The following RNF182 variants were observed in gnomAD, a reference collection of about 807,000 sequenced individuals.
RNF182 encodes the protein ring finger protein 182, also known as E3 ubiquitin-protein ligase RNF182.
RNF182 carries 15 observed loss-of-function variants against 14.4 expected under a neutral mutation model. The ratio of observed to expected loss-of-function variants is 1.04; its 90% CI spans 0.70 to 1.60. The LOEUF (loss-of-function observed/expected upper bound fraction) is 1.60. Among genes scored for constraint, RNF182 ranks in the 40% most tolerant of loss-of-function variants. RNF182 has a pLI of 0.00. For synonymous variants in RNF182, 128 were observed against 122.9 expected (o/e 1.04, Z -0.27); for missense variants, 268 against 294.8 (o/e 0.91, Z 0.67).
chr6:13,976,755 C>T (rs280161), intron 2 of RNF182, among the ~76,000 whole-genome samples, 154 bp from the exon 3 acceptor site: 117,443 of 152,224 alleles, frequency 0.77, 47,341 homozygotes, highest in Middle Eastern at 0.91. Flanking sequence ...TTTTCCGTTC[C>T]AGGGACAGAA....
In RNF182 at chr6:13,978,346, T is replaced by C. The variant is rs1760397492; in HGVS notation, c.*483T>C. 1 of 166,082 alleles carries C rather than the reference T, an allele frequency of 6.0e-6. No individual in the cohort carries two copies. The highest frequency in any genetic ancestry group is 1.5e-5 in the Non-Finnish European group (1 of 68,838). 10.3% of individuals were successfully genotyped at this position (166,082 alleles called of 1,614,324 possible). Reference sequence around the variant, plus strand: ...AGGTGTTTTCTCTCTTAAGTCACTCTCTGTGGTCGGCGATCCCATTGAGAT... The same window carrying C: ...AGGTGTTTTCTCTCTTAAGTCACTCCCTGTGGTCGGCGATCCCATTGAGAT... On this transcript the variant is annotated 3_prime_UTR_variant, in exon 3 of 3. Coordinates refer to ENST00000488300, the MANE Select transcript of RNF182 (RefSeq NM_152737.4).
At chr6:13,975,133 G>A (rs1760292210) in intron 2 of RNF182, among the ~76,000 whole-genome samples, 1 of 152,188 alleles carries the variant, frequency 6.6e-6, no homozygotes, top group Admixed American at 6.5e-5. Flanking sequence ...CCAGGGCTGG[G>A]GACTGTCCCA....
intron 1 of RNF182, among the ~76,000 whole-genome samples, chr6:13,969,023 G>A (rs2113641968): frequency 6.6e-6 from 1 of 152,252 alleles, no homozygotes; most frequent in Non-Finnish European, 1.5e-5. Flanking sequence ...AGCAAAAAAA[G>A]GAATTTATTG....
At chr6:13,943,533 A>G (rs1215556314) in intron 1 of RNF182, among the ~76,000 whole-genome samples, 2 of 152,158 alleles carry the variant, frequency 1.3e-5, no homozygotes, top group Non-Finnish European at 2.9e-5. Context: ...ACTTTGTACC[A>G]TTGGTACTTA....
chr6:13,967,383 A>G (rs1312444737), intron 1 of RNF182, among the ~76,000 whole-genome samples: 1 of 152,228 alleles, frequency 6.6e-6, no homozygotes, highest in African/African-American at 2.4e-5. Flanking sequence ...TAACTCTGTA[A>G]AACAAAACTG....
At chr6:13,973,881 C>T (rs1760257570) in intron 1 of RNF182, among the ~76,000 whole-genome samples, 1 of 152,146 alleles carries the variant, frequency 6.6e-6, no homozygotes, top group Non-Finnish European at 1.5e-5. Context: ...TTGGTTCTGC[C>T]TGGTTTGTGA....
Position 13,978,036 on chromosome 6 carries a change from T to C in RNF182, c.*173T>C. The C allele has an allele frequency of 5.3e-6, 4 of 752,486 alleles. No homozygotes were observed. The highest frequency in any genetic ancestry group is 8.5e-6 in the Non-Finnish European group (4 of 472,720). The allele number at this position is 752,486 out of a possible 1,614,324, so 46.6% of individuals were successfully genotyped here. A position where few individuals can be genotyped will look rare whatever the true frequency, so the allele number is the denominator to read the frequency against. ...TCCTGTAGGCTGGAAGTAAAAATGT[T>C]CATTTCTACTTAGGGGTTAGCAAAA... On this transcript the variant is annotated 3_prime_UTR_variant, in exon 3 of 3. Coordinates refer to ENST00000488300, the MANE Select transcript of RNF182 (RefSeq NM_152737.4).
chr6:13,960,035 G>T lies in RNF182; in HGVS notation c.-366-14175G>T, dbSNP rs185839802. Among the ~76,000 whole-genome samples the T allele has an allele frequency of 3.3e-4, 51 of 152,306 alleles. No homozygotes were observed. In the East Asian group the frequency reaches 7.7e-3, roughly 23 times the overall value. On this transcript the variant is annotated intron_variant, in intron 1 of 2. Coordinates refer to ENST00000488300, the MANE Select transcript of RNF182 (RefSeq NM_152737.4). ...GCTGGCAGAAAAGATTGAGAATAGT[G>T]ATCAGTGAACTAGGAGGAAAGCTGG...
chr6:13,952,046 C>G (rs576529704), intron 1 of RNF182, among the ~76,000 whole-genome samples: 17 of 152,232 alleles, frequency 1.1e-4, no homozygotes, highest in African/African-American at 3.9e-4. Flanking sequence ...CATGTGGTCT[C>G]TGGGCAAGAT....
At chr6:13,953,241 G>C (rs1340657015) in intron 1 of RNF182, among the ~76,000 whole-genome samples, 2 of 152,234 alleles carry the variant, frequency 1.3e-5, no homozygotes, top group African/African-American at 4.8e-5. Flanking sequence ...GCAAGAAGGA[G>C]TCACTCTAGT....
chr6:13,926,665 A>G (rs1410427276), intron 1 of RNF182, among the ~76,000 whole-genome samples: 1 of 152,212 alleles, frequency 6.6e-6, no homozygotes, highest in Non-Finnish European at 1.5e-5. Context: ...AGAGAAAAGT[A>G]TTTTCTCACT....
In RNF182 at chr6:13,977,737, T is replaced by A; in HGVS notation, c.618T>A (p.Ser206=). 1.9e-6 allele frequency: 3 copies of A among 1,614,182 alleles called. No individual in the cohort carries two copies. The highest frequency in any genetic ancestry group is 2.5e-6 in the Non-Finnish European group (3 of 1,180,022). ...CCTTAGGAATCTACTTACTGGTGTCTAAGAAAGTCACCCTTGGGGTCGTCT... is the reference window on the plus strand; with the variant it reads ...CCTTAGGAATCTACTTACTGGTGTCAAAGAAAGTCACCCTTGGGGTCGTCT... ...SLPLGIYLLV[S]KKVTLGVVFV... Residue 206 remains serine, a synonymous_variant, in exon 3 of 3, where the codon TCT becomes TCA. Transcript: ENST00000488300.
intron 1 of RNF182, among the ~76,000 whole-genome samples, chr6:13,954,347 T>A (rs1759676710): frequency 6.6e-6 from 1 of 152,210 alleles, no homozygotes; most frequent in East Asian, 1.9e-4. Flanking sequence ...TCTTGTAAAT[T>A]CTCCCCTTCC....
At chr6:13,962,059 G>A (rs1165162103) in intron 1 of RNF182, among the ~76,000 whole-genome samples, 5 of 152,232 alleles carry the variant, frequency 3.3e-5, no homozygotes, top group East Asian at 1.9e-4. Context: ...TGAGACCATC[G>A]TCTCTACAAA....
chr6:13,965,283 A>G (rs1475082550), intron 1 of RNF182, among the ~76,000 whole-genome samples: 3 of 152,216 alleles, frequency 2.0e-5, no homozygotes, highest in African/African-American at 7.2e-5. Context: ...AGAATCTGAA[A>G]GTACAGAACA....
chr6:13,939,996 T>C (rs1002730312), intron 1 of RNF182, among the ~76,000 whole-genome samples: 4 of 152,260 alleles, frequency 2.6e-5, no homozygotes, highest in Admixed American at 6.5e-5. Flanking sequence ...GCCTGATTCT[T>C]GTATCTTACA....
At chr6:13,936,466 T>C (rs1759112190) in intron 1 of RNF182, among the ~76,000 whole-genome samples, 1 of 152,244 alleles carries the variant, frequency 6.6e-6, no homozygotes, top group African/African-American at 2.4e-5. Context: ...CGTGGTTGAT[T>C]GGTCTATAAA....
intron 1 of RNF182, among the ~76,000 whole-genome samples, chr6:13,946,870 A>T (rs1226502359): frequency 6.6e-6 from 1 of 152,164 alleles, no homozygotes; most frequent in Non-Finnish European, 1.5e-5. Flanking sequence ...TAGAGTTGGG[A>T]GGAGTTTAGT....
At chr6:13,971,334 T>G (rs560586604) in intron 1 of RNF182, among the ~76,000 whole-genome samples, 1 of 152,310 alleles carries the variant, frequency 6.6e-6, no homozygotes, top group South Asian at 2.1e-4. Flanking sequence ...TGTCACCACA[T>G]AAGATGTGCC....
Sources: gnomAD v4.1 joint callset for allele counts (sites outside exome capture counted in the v4.1 genomes callset) on GRCh38, gnomAD v4.1.1 for gene constraint, MANE v1.5 for transcripts, NCBI Gene and HGNC (gene_info 2026-07-23, HGNC 2026-07-21) for gene names.